NUP188: variants seen among roughly 807,000 people sequenced by gnomAD.
NUP188 encodes nucleoporin NUP188.
In NUP188, 97 loss-of-function variants were observed where a neutral mutation model predicts 223.0. The ratio of observed to expected loss-of-function variants is 0.43; its 90% CI spans 0.37 to 0.51. NUP188 has a LOEUF of 0.51. Among genes scored for constraint, NUP188 ranks in the 20% least tolerant of loss-of-function variants. NUP188 has a pLI of 0.00. For synonymous variants in NUP188, 869 were observed against 828.0 expected, an observed-to-expected ratio of 1.05 and a Z score of -0.85; for missense variants, 1,947 against 2,175.6, an observed-to-expected ratio of 0.89 and a Z score of 2.09.
At chr9:128,966,772 G>T (rs1842036381) in intron 8 of NUP188, among the ~76,000 whole-genome samples, 1 of 152,102 alleles carries the variant, frequency 6.6e-6, no homozygotes, top group Non-Finnish European at 1.5e-5. Flanking sequence ...GATTGTACCT[G>T]TACACCTGGA....
intron 4 of NUP188, 80 bp from the exon 5 acceptor site, chr9:128,956,872 G>T: frequency 1.0e-6 from 1 of 958,894 alleles, no homozygotes; most frequent in Non-Finnish European, 1.6e-6. Context: ...TGTGTTCATT[G>T]TAGAAGACAA....
intron 30 of NUP188, 61 bp downstream of exon 30, chr9:128,995,575 G>C: frequency 7.2e-7 from 1 of 1,382,670 alleles, no homozygotes; most frequent in Non-Finnish European, 9.9e-7. Context: ...GTTGACATGA[G>C]CCTAGCAGAT....
rs368069138 is a variant in NUP188, at chr9:129,006,721, A to T, written c.*43A>T. On this transcript the variant is annotated 3_prime_UTR_variant, in exon 44 of 44. Coordinates refer to ENST00000372577, the MANE Select transcript of NUP188 (RefSeq NM_015354.3). ...CACCTACCCCTCTCCACCAGCCTAC[A>T]CTGCACCCTGGCTGGCAGGGGTGCT... 2 of 1,563,972 alleles carry T rather than the reference A, an allele frequency of 1.3e-6. No individual in the cohort carries two copies. The highest frequency in any genetic ancestry group is 4.5e-5 in the East Asian group (2 of 44,516).
chr9:128,973,241 A>G lies in NUP188; in HGVS notation c.1195A>G (p.Asn399Asp). 1 of 1,612,758 alleles carries G rather than the reference A, an allele frequency of 6.2e-7. No individual in the cohort carries two copies. The highest frequency in any genetic ancestry group is 1.1e-5 in the South Asian group (1 of 91,006). ...CTCGTTGGAGCTGCACACCCTGGGC[A>G]ATCAGCAGGTCAGTGTCTGGCTTTC... The part of the protein sequence containing the change: ...LTSLELHTLG[N>D]QQDIIDTACE... The change falls in exon 12 of 44, where the codon AAT (asparagine) becomes GAT (aspartate). Residue 399 changes from asparagine to aspartate, a missense_variant. Asn to Asp is a conservative substitution (Grantham distance 23). Around this residue, in one of 3 missense-constraint regions of NUP188, gnomAD observed 817 missense variants for 865.8 expected, o/e 0.94. Transcript: ENST00000372577.
intron 28 of NUP188, 149 bp downstream of exon 28, chr9:128,994,591 C>G: frequency 1.4e-6 from 1 of 722,526 alleles, no homozygotes; most frequent in Non-Finnish European, 2.4e-6. Context: ...AGGGAAGTGC[C>G]AGCTTTCTGT....
At chr9:128,976,561 C>T (rs1842176966) in intron 12 of NUP188, among the ~76,000 whole-genome samples, 1 of 151,928 alleles carries the variant, frequency 6.6e-6, no homozygotes, top group African/African-American at 2.4e-5. Flanking sequence ...ATCCCAGCTA[C>T]TTGGGAGGCT....
intron 38 of NUP188, chr9:129,003,921 T>G: frequency 3.6e-6 from 1 of 277,854 alleles, no homozygotes. Context: ...TGCAGTGAGC[T>G]AGGATCGAAC....
At chr9:128,993,461 G>A (rs1233264494) in intron 26 of NUP188, 58 bp downstream of exon 26, 1 of 1,608,636 alleles carries the variant, frequency 6.2e-7, no homozygotes, top group Non-Finnish European at 8.5e-7. Flanking sequence ...CAGATGCTGG[G>A]CTCTGCAAGT....
At chr9:128,991,162 CTTTT>C (rs78549616) in intron 25 of NUP188, among the ~76,000 whole-genome samples, 5 of 123,434 alleles carry the variant, frequency 4.1e-5, no homozygotes, top group Admixed American at 8.4e-5. Flanking sequence ...CTCCAGATTT[CTTTT>C]TTTTTTTTTT....
chr9:128,969,305 G>GT (rs1564554712), intron 9 of NUP188, 95 bp from the exon 10 acceptor site: 3 of 742,476 alleles, frequency 4.0e-6, no homozygotes, highest in African/African-American at 1.8e-5. Flanking sequence ...GGCCCAATAG[G>GT]TTTTTTTGAT....
At chr9:128,983,088 A>G in intron 17 of NUP188, 60 bp downstream of exon 17, 1 of 1,600,514 alleles carries the variant, frequency 6.2e-7, no homozygotes, top group Non-Finnish European at 8.5e-7. Flanking sequence ...TTGTGCCCTC[A>G]GTTTGCAGGA....
chr9:128,990,192 G>A lies in NUP188; in HGVS notation c.2606G>A (p.Arg869His), dbSNP rs761455628. ...IYHKHDPALP[R>H]LAIQLLKRLA... ...CACAAACATGACCCTGCTTTGCCAC[G>A]TCTTGCCATTCAGCTGCTGAAACGT... Residue 869 changes from arginine to histidine, a missense_variant, in exon 25 of 44, where the codon CGT becomes CAT. Transcript: ENST00000372577. 6.2e-6 allele frequency: 10 copies of A among 1,614,030 alleles called. No individual in the cohort carries two copies. The highest frequency in any genetic ancestry group is 2.7e-5 in the African/African-American group (2 of 74,914).
At chr9:128,998,418 C>A in intron 31 of NUP188, 120 bp from the exon 32 acceptor site, 1 of 1,046,750 alleles carries the variant, frequency 9.6e-7, no homozygotes. Context: ...GGCTTCTCCC[C>A]CTCCACTCCA....
chr9:129,003,422 T>G lies in NUP188; in HGVS notation c.4402T>G (p.Phe1468Val), dbSNP rs1283700957. 6.2e-7 allele frequency: 1 copy of G among 1,612,638 alleles called. No homozygotes were observed. Among genetic ancestry groups the G allele is most frequent in the Non-Finnish European group, 8.5e-7 (1 of 1,179,990 alleles). ...QLSNFMKEWH[F>V]HLPQLMRDIQ... ...CTCTAACTTCATGAAGGAGTGGCAC[T>G]TCCACCTGCCTCAGCTCATGCGTGA... Residue 1468 changes from phenylalanine to valine, a missense_variant, in exon 38 of 44, where the codon TTC becomes GTC. Around this residue, in one of 3 missense-constraint regions of NUP188, gnomAD observed 905 missense variants for 990.6 expected, o/e 0.91. Coordinates refer to ENST00000372577, the MANE Select transcript of NUP188 (RefSeq NM_015354.3).
chr9:128,958,049 C>T lies in NUP188; in HGVS notation c.367C>T (p.Leu123=), dbSNP rs1389909774. ...TGAGAGGCAGAGCCAGGCCTTAATC[C>T]TGAAGGTCAGTAGTAGTCACCATTT... ...QDERQSQALI[L]KIADYYYEER... Residue 123 remains leucine, a synonymous_variant, in exon 6 of 44, where the codon CTG becomes TTG. Coordinates refer to ENST00000372577, the MANE Select transcript of NUP188 (RefSeq NM_015354.3). The T allele has an allele frequency of 3.1e-6, 5 of 1,612,292 alleles. No homozygotes were observed. The Admixed American group carries it at 8.3e-5, about 27-fold the overall frequency.
At chr9:128,958,182 A>T in intron 6 of NUP188, 128 bp downstream of exon 6, 1 of 662,146 alleles carries the variant, frequency 1.5e-6, no homozygotes, top group Non-Finnish European at 2.6e-6. Context: ...ATGAAGAAGC[A>T]TATTAACTCA....
intron 12 of NUP188, among the ~76,000 whole-genome samples, chr9:128,978,186 T>G (rs1485905746): frequency 6.6e-6 from 1 of 152,012 alleles, no homozygotes; most frequent in African/African-American, 2.4e-5. Context: ...CAGTGAGCTA[T>G]GATGGTGCCA....
intron 22 of NUP188, among the ~76,000 whole-genome samples, chr9:128,987,129 G>GTGTGTGTA (rs1842348498): frequency 6.8e-6 from 1 of 147,026 alleles, no homozygotes; most frequent in African/African-American, 2.6e-5. Context: ...GTGTGTGTGT[G>GTGTGTGTA]TGTATGTGTA....
chr9:128,956,857 A>T, intron 4 of NUP188, 95 bp from the exon 5 acceptor site: 1 of 780,282 alleles, frequency 1.3e-6, no homozygotes, highest in Non-Finnish European at 2.1e-6. Context: ...TGTTTATTCA[A>T]GTCCTGTGTT....
Sources: gnomAD v4.1 joint callset for allele counts (sites outside exome capture counted in the v4.1 genomes callset) on GRCh38, gnomAD v4.1.1 for gene constraint, gnomAD v4.1.1 regional missense constraint, MANE v1.5 for transcripts, NCBI Gene and HGNC (gene_info 2026-07-23, HGNC 2026-07-21) for gene names.